The following SLC16A5 variants were observed in gnomAD, a reference collection of about 807,000 sequenced individuals.
SLC16A5 encodes the protein monocarboxylate transporter 6.
Under a neutral mutation model 33.2 loss-of-function variants are expected in SLC16A5, and 29 were observed. The ratio of observed to expected loss-of-function variants is 0.87; its 90% confidence interval spans 0.65 to 1.19. The LOEUF is 1.19. Ranked by LOEUF, SLC16A5 falls within the 50% of genes most tolerant of loss-of-function variation. SLC16A5 has a pLI of 0.00. For synonymous variants in SLC16A5, 248 were observed against 284.1 expected (o/e 0.87, Z 1.28); for missense variants, 606 against 678.2 (o/e 0.89, Z 1.18).
chr17:75,110,076 A>T, downstream of SLC16A5: 1 of 541,102 alleles, frequency 1.8e-6, no homozygotes, highest in Admixed American at 3.6e-5. Flanking sequence ...TTCAAACGCA[A>T]CTCCTACAGG....
chr17:75,106,468 AT>A (rs1223552450), downstream of SLC16A5, among the ~76,000 whole-genome samples: 1 of 152,030 alleles, frequency 6.6e-6, no homozygotes, highest in Admixed American at 6.6e-5. Context: ...GAAAAAAGAT[AT>A]CAGCTGGAGA....
intron 5 of SLC16A5, among the ~76,000 whole-genome samples, chr17:75,101,902 T>A (rs2073804971): frequency 6.6e-6 from 1 of 152,144 alleles, no homozygotes; most frequent in African/African-American, 2.4e-5. Flanking sequence ...CCCAAAGTGC[T>A]GGGATTACAG....
At chr17:75,094,995 CCGGCCT>C (rs564998439) in intron 3 of SLC16A5, among the ~76,000 whole-genome samples, 190 of 152,324 alleles carry the variant, frequency 1.2e-3, no homozygotes, top group African/African-American at 4.5e-3. Flanking sequence ...TGCAGAGACC[CCGGCCT>C]CGGAGGGGCC....
At position 75,093,545 on chromosome 17, in the gene SLC16A5, G is replaced by A. The variant is rs183334061; in HGVS notation, c.-48-44G>A. 4.9e-5 allele frequency: 76 copies of A among 1,542,844 alleles called. No individual in the cohort carries two copies. The Middle Eastern group carries it at 6.7e-4, about 14-fold the overall frequency. On this transcript the variant is annotated intron_variant, in intron 2 of 6. Coordinates refer to ENST00000329783, the MANE Select transcript of SLC16A5 (RefSeq NM_004695.4). ...AGGTGGCAGGTGGGCCAGGAGAGAC[G>A]GACAGCCTGCTGACCACCAGGCTCC...
At chr17:75,108,793 G>A (rs913892303), downstream of SLC16A5, among the ~76,000 whole-genome samples, 6 of 148,176 alleles carry the variant, frequency 4.0e-5, no homozygotes, top group Non-Finnish European at 7.7e-5. Flanking sequence ...TTGGACAAGC[G>A]GTTGCTGGGC....
intron 5 of SLC16A5, 123 bp downstream of exon 5, chr17:75,100,939 G>A (rs1287920820): frequency 1.0e-6 from 1 of 985,380 alleles, no homozygotes; most frequent in East Asian, 2.6e-5. Flanking sequence ...CTGGCACTCA[G>A]AGTATGAACA....
downstream of SLC16A5, among the ~76,000 whole-genome samples, chr17:75,109,754 C>G (rs1249666664): frequency 2.0e-5 from 3 of 152,242 alleles, no homozygotes; most frequent in East Asian, 5.8e-4. The surrounding 1 kb of genome is among the most constrained non-coding windows in gnomAD (Gnocchi z 5.0). Context: ...TAATTTGCAT[C>G]TGGACATGGG....
intron 2 of SLC16A5, among the ~76,000 whole-genome samples, chr17:75,090,622 G>A (rs980392961): frequency 2.6e-5 from 4 of 151,782 alleles, no homozygotes; most frequent in Non-Finnish European, 2.9e-5. Flanking sequence ...CACCACGCCC[G>A]GCTAATTATT....
intron 3 of SLC16A5, among the ~76,000 whole-genome samples, chr17:75,094,104 G>T (rs2073683304): frequency 6.6e-6 from 1 of 152,206 alleles, no homozygotes; most frequent in Non-Finnish European, 1.5e-5. Context: ...CACAGGCGTA[G>T]GTGTGCTGGG....
chr17:75,094,453 G>GT (rs1451488109), intron 3 of SLC16A5, among the ~76,000 whole-genome samples: 5 of 152,182 alleles, frequency 3.3e-5, no homozygotes, highest in Non-Finnish European at 5.9e-5. Context: ...TTGGGAGGCC[G>GT]AGGCGGTCAG....
chr17:75,106,015 C>A lies in SLC16A5; in HGVS notation c.1500C>A (p.Gly500=). ...TGCAGGCCAAGCAAACGGCTCTGGG[C>A]TGGAATAGCCCTACCTGAGTGCCCT... ...AVLQAKQTAL[G]WNSPT is the part of the protein sequence containing the mutation. Residue 500 remains glycine (G), a synonymous_variant, in exon 7 of 7, where the codon GGC becomes GGA. Transcript: ENST00000329783. The A allele has an allele frequency of 6.4e-7, 1 of 1,574,152 alleles. No homozygotes were observed. Among genetic ancestry groups the A allele is most frequent in the Admixed American group, 1.8e-5 (1 of 56,518 alleles).
rs1249293399 is a variant in SLC16A5 at position 75,100,521 on chromosome 17, C to G, written c.858C>G (p.Phe286Leu). 1.2e-6 allele frequency: 2 copies of G among 1,614,130 alleles called. No homozygotes were observed. The highest frequency in any genetic ancestry group is 1.7e-6 in the Non-Finnish European group (2 of 1,180,050). The change falls in exon 5 of 7, where the codon TTC becomes TTG. Residue 286 changes from phenylalanine (F) to leucine (L), a missense_variant. Physicochemically the swap from Phe to Leu is conservative, Grantham distance 22. Transcript: ENST00000329783. ...LISIIGFSNIFLRPLAGLMAG... is the reference protein window; with the variant it reads ...LISIIGFSNILLRPLAGLMAG... ...CCATCATCGGCTTCAGCAACATCTTCCTGAGGCCCCTAGCCGGGCTGATGG... is the reference window on the plus strand; with the variant it reads ...CCATCATCGGCTTCAGCAACATCTTGCTGAGGCCCCTAGCCGGGCTGATGG...
chr17:75,095,009 G>A (rs576453708), intron 3 of SLC16A5, among the ~76,000 whole-genome samples: 2 of 152,340 alleles, frequency 1.3e-5, no homozygotes, highest in South Asian at 2.1e-4. Context: ...CCTCGGAGGG[G>A]CCCGGTGGAC....
At chr17:75,091,194 T>C (rs950055993) in intron 2 of SLC16A5, among the ~76,000 whole-genome samples, 2 of 151,220 alleles carry the variant, frequency 1.3e-5, no homozygotes, top group African/African-American at 4.9e-5. Flanking sequence ...GAGTATCAAG[T>C]GGGAGAGCGG....
Position 75,101,254 on chromosome 17 carries a change from G to GA in SLC16A5, c.1153+450dup, listed in dbSNP as rs879927740. Among the ~76,000 whole-genome samples the GA allele has an allele frequency of 7.5e-3, 818 of 109,602 alleles. 2 individuals are homozygous for GA. Among genetic ancestry groups the GA allele is most frequent in the East Asian group, 0.013 (47 of 3,496 alleles). The allele number at this position is 109,602 out of a possible 152,430, so 71.9% of individuals were successfully genotyped here. ...ACAAAGCGAGACTCCGCCTCAAAAA[G>GA]AAAAAAAAAAAAGCATGGGTTTGTG... On this transcript the variant is annotated intron_variant, in intron 5 of 6. Transcript: ENST00000329783.
At chr17:75,095,842 G>C (rs1424274810) in intron 3 of SLC16A5, among the ~76,000 whole-genome samples, 4 of 151,738 alleles carry the variant, frequency 2.6e-5, no homozygotes, top group African/African-American at 7.3e-5. Context: ...TGTATTTTTA[G>C]TAGAGACGGG....
intron 5 of SLC16A5, among the ~76,000 whole-genome samples, chr17:75,103,333 CTTTT>C (rs1194395211): frequency 7.8e-6 from 1 of 128,624 alleles, no homozygotes; most frequent in Non-Finnish European, 1.6e-5. Context: ...CAAGGGAATT[CTTTT>C]TTTTTTTTTT....
chr17:75,104,411 AAC>A, intron 6 of SLC16A5: 2 of 1,313,854 alleles, frequency 1.5e-6, no homozygotes, highest in Non-Finnish European at 1.9e-6. Flanking sequence ...TGCCCTGAGA[AAC>A]TCTTTTTTTT....
At chr17:75,093,902 G>A (rs1555645236) in intron 3 of SLC16A5, 67 bp downstream of exon 3, 5 of 1,555,510 alleles carry the variant, frequency 3.2e-6, no homozygotes, top group Non-Finnish European at 4.4e-6. Flanking sequence ...AACCTCCCTG[G>A]CCTTCTGATT....
Sources: allele counts gnomAD v4.1 joint callset (sites outside exome capture counted in the v4.1 genomes callset), GRCh38; gene constraint gnomAD v4.1.1; non-coding constraint Gnocchi (gnomAD v3.1); transcripts MANE v1.5; gene names NCBI Gene and HGNC (gene_info 2026-07-23, HGNC 2026-07-21).